NTNG1: variants seen among roughly 807,000 people sequenced by gnomAD.
NTNG1 encodes the protein netrin-G1.
A neutral mutation model predicts 54.0 loss-of-function variants in NTNG1; 16 were observed. That is an observed-to-expected ratio of 0.30 (90% CI 0.20 to 0.45). NTNG1 has a LOEUF of 0.45. Ranked by LOEUF, NTNG1 falls within the 20% of genes least tolerant of loss-of-function variation. NTNG1 has a pLI of 1.00. For missense variants in NTNG1, 530 were observed against 678.7 expected, an observed-to-expected ratio of 0.78 and a Z score of 2.43; for synonymous variants, 255 against 263.1, an observed-to-expected ratio of 0.97 and a Z score of 0.30.
At chr1:107,222,506 C>T (rs956167975) in intron 2 of NTNG1, among the ~76,000 whole-genome samples, 2 of 152,064 alleles carry the variant, frequency 1.3e-5, no homozygotes, top group African/African-American at 4.8e-5. Flanking sequence ...AGCAGAGTGC[C>T]TGTAATATAA....
At chr1:107,293,792 A>G (rs767815903) in intron 2 of NTNG1, among the ~76,000 whole-genome samples, 1 of 152,218 alleles carries the variant, frequency 6.6e-6, no homozygotes, top group Non-Finnish European at 1.5e-5. Flanking sequence ...ATGACCATAT[A>G]AGAGTCTATA....
At chr1:107,190,690 C>T (rs2101191768) in intron 2 of NTNG1, among the ~76,000 whole-genome samples, 1 of 152,126 alleles carries the variant, frequency 6.6e-6, no homozygotes, top group East Asian at 1.9e-4. Context: ...GGCTTTTTGT[C>T]CTTGTGATAG....
At chr1:107,283,870 T>C (rs1192007009) in intron 2 of NTNG1, among the ~76,000 whole-genome samples, 1 of 152,208 alleles carries the variant, frequency 6.6e-6, no homozygotes, top group Admixed American at 6.5e-5. Flanking sequence ...AGTTATTCAT[T>C]TGCATGCCCT....
In NTNG1 at chr1:107,482,902, T is replaced by A. The variant is rs1678815508; in HGVS notation, c.*2062T>A. 1 of 152,226 alleles carries A rather than the reference T, an allele frequency of 6.6e-6. No individual in the cohort carries two copies. The highest frequency in any genetic ancestry group is 1.5e-5 in the Non-Finnish European group (1 of 68,042). 9.4% of individuals were successfully genotyped at this position (152,226 alleles called of 1,614,324 possible). A position where few individuals can be genotyped will look rare whatever the true frequency, so the allele number is the denominator to read the frequency against. On this transcript the variant is annotated 3_prime_UTR_variant, in exon 8 of 8. Coordinates refer to ENST00000370068, the MANE Select transcript of NTNG1 (RefSeq NM_001113226.3). Reference sequence around the variant, plus strand: ...CCACCCCACGTCTAAGTCTATTGAATGTTTGTTATTCAAACCAACAGTCTC... The same window carrying A: ...CCACCCCACGTCTAAGTCTATTGAAAGTTTGTTATTCAAACCAACAGTCTC...
chr1:107,420,372 A>G (rs1393998273), intron 5 of NTNG1, among the ~76,000 whole-genome samples: 1 of 152,118 alleles, frequency 6.6e-6, no homozygotes, highest in Non-Finnish European at 1.5e-5. Flanking sequence ...GGCCAGTTCT[A>G]TGCAGCCATA....
intron 2 of NTNG1, among the ~76,000 whole-genome samples, chr1:107,292,403 A>C (rs1665669671): frequency 6.6e-6 from 1 of 152,138 alleles, no homozygotes; most frequent in Non-Finnish European, 1.5e-5. Flanking sequence ...ACATGAGCAC[A>C]ACAGGAGAGG....
chr1:107,296,253 A>G (rs1156494080), intron 2 of NTNG1, among the ~76,000 whole-genome samples: 1 of 152,120 alleles, frequency 6.6e-6, no homozygotes, highest in Non-Finnish European at 1.5e-5. Flanking sequence ...GATGAATGAT[A>G]TCAGTATTTA....
At chr1:107,384,354 G>T (rs1671832256) in intron 3 of NTNG1, among the ~76,000 whole-genome samples, 1 of 152,140 alleles carries the variant, frequency 6.6e-6, no homozygotes, top group Non-Finnish European at 1.5e-5. Context: ...TAAATGCCAA[G>T]ATGTCTAACT....
rs557842404 is a variant in NTNG1, at chr1:107,402,547, C to T, written c.1061-5135C>T. Among the ~76,000 whole-genome samples the T allele has an allele frequency of 2.2e-4, 34 of 152,192 alleles. No homozygotes were observed. In the South Asian group the frequency reaches 6.0e-3, roughly 27 times the overall value. On this transcript the variant is annotated intron_variant, in intron 4 of 7. Coordinates refer to ENST00000370068, the MANE Select transcript of NTNG1 (RefSeq NM_001113226.3). ...CACACTCAGGCCCCAAGCTCTGCTA[C>T]TGCTATAAGATGACTGTAGCCATTT...
chr1:107,169,663 A>G (rs755908428), intron 2 of NTNG1, among the ~76,000 whole-genome samples: 6 of 152,186 alleles, frequency 3.9e-5, no homozygotes, highest in Non-Finnish European at 8.8e-5. Context: ...GGTAAGGTGT[A>G]TATTTAAAGC....
chr1:107,177,426 C>T (rs1300885854), intron 2 of NTNG1, among the ~76,000 whole-genome samples: 1 of 152,052 alleles, frequency 6.6e-6, no homozygotes, highest in Non-Finnish European at 1.5e-5. Context: ...CCTCCGCCTC[C>T]TGGGTTCAAG....
chr1:107,330,114 A>C (rs1235763787), intron 3 of NTNG1, among the ~76,000 whole-genome samples: 1 of 152,078 alleles, frequency 6.6e-6, no homozygotes, highest in Non-Finnish European at 1.5e-5. Flanking sequence ...ATTATACCTA[A>C]AAACAGCACA....
At chr1:107,352,190 T>TG (rs1172094390) in intron 3 of NTNG1, among the ~76,000 whole-genome samples, 2 of 152,228 alleles carry the variant, frequency 1.3e-5, no homozygotes, top group African/African-American at 4.8e-5. Flanking sequence ...TGGAGTACAG[T>TG]GGCCCTCTTC....
intron 7 of NTNG1, among the ~76,000 whole-genome samples, chr1:107,479,073 A>G (rs1678525223): frequency 6.6e-6 from 1 of 152,260 alleles, no homozygotes; most frequent in Non-Finnish European, 1.5e-5. Context: ...AGGCCTTAAT[A>G]GTCACTTCTG....
chr1:107,366,853 T>C (rs1670619753), intron 3 of NTNG1, among the ~76,000 whole-genome samples: 7 of 152,222 alleles, frequency 4.6e-5, no homozygotes, highest in Admixed American at 3.9e-4. Flanking sequence ...TCACAAAAGC[T>C]GCAGACCTTT....
rs150040651 is a variant in NTNG1 at position 107,335,718 on chromosome 1, T to G, written c.887+10796T>G. Among the ~76,000 whole-genome samples the G allele has an allele frequency of 5.1e-3, 770 of 152,004 alleles. 1 individual carries two copies. The highest frequency in any genetic ancestry group is 8.8e-3 in the Non-Finnish European group (600 of 67,906). On this transcript the variant is annotated intron_variant, in intron 3 of 7. Transcript: ENST00000370068. ...CGTCAGAAAAAAATAGTTTTTAAAA[T>G]TAAGTTAAAATTCAGCAAAGTTGCA... is the stretch of plus-strand genomic sequence containing the variant.
chr1:107,395,279 G>T lies in NTNG1; in HGVS notation c.1013G>T (p.Trp338Leu). The T allele has an allele frequency of 6.2e-7, 1 of 1,613,602 alleles. No individual in the cohort carries two copies. The highest frequency in any genetic ancestry group is 1.1e-5 in the South Asian group (1 of 91,070). Residue 338 changes from tryptophan to leucine, a missense_variant, in exon 4 of 8, where the codon TGG becomes TTG. By Grantham distance (61) the Trp-to-Leu change is moderately conservative (BLOSUM62 -2). Coordinates refer to ENST00000370068, the MANE Select transcript of NTNG1 (RefSeq NM_001113226.3). ...AAGAAGAATTATCAGGGCCGACCTT[G>T]GAGTCCAGGCTCCTATCTCCCCATC... is the stretch of plus-strand genomic sequence containing the variant. ...KCKKNYQGRP[W>L]SPGSYLPIPK...
intron 5 of NTNG1, among the ~76,000 whole-genome samples, chr1:107,430,326 A>T (rs1488251027): frequency 6.6e-6 from 1 of 152,154 alleles, no homozygotes; most frequent in East Asian, 1.9e-4. Context: ...TAGACTCTCA[A>T]TGCTCACACA....
chr1:107,334,485 G>C (rs1668465050), intron 3 of NTNG1, among the ~76,000 whole-genome samples: 1 of 151,216 alleles, frequency 6.6e-6, no homozygotes, highest in Admixed American at 6.6e-5. Flanking sequence ...ATGGGTGGGG[G>C]AAGTCTAAGA....
Sources: gnomAD v4.1 joint callset for allele counts (sites outside exome capture counted in the v4.1 genomes callset) on GRCh38, gnomAD v4.1.1 for gene constraint, MANE v1.5 for transcripts, NCBI Gene and HGNC (gene_info 2026-07-23, HGNC 2026-07-21) for gene names.